KLF7: variants seen among roughly 807,000 people sequenced by gnomAD.
KLF7 encodes Krueppel-like factor 7.
KLF7 carries 2 observed loss-of-function variants against 27.3 expected under a neutral mutation model. That is an observed-to-expected ratio of 0.07 (90% CI 0.03 to 0.23). The LOEUF (loss-of-function observed/expected upper bound fraction) is 0.23, where lower values mean the gene tolerates loss of function less well. Ranked by LOEUF, KLF7 falls within the 10% of genes least tolerant of loss-of-function variation. The pLI, the probability that KLF7 is intolerant of heterozygous loss-of-function variation, is 1.00. For missense variants in KLF7, 221 were observed against 394.1 expected (o/e 0.56, Z 3.72); for synonymous variants, 165 against 162.4 (o/e 1.02, Z -0.12).
intron 3 of KLF7, among the ~76,000 whole-genome samples, chr2:207,088,203 T>C (rs987843819): frequency 2.6e-5 from 4 of 152,208 alleles, no homozygotes; most frequent in African/African-American, 9.7e-5. Context: ...ACCGAGTGAT[T>C]AACACCATTT....
chr2:207,135,121 C>T (rs2077749473), intron 1 of KLF7, among the ~76,000 whole-genome samples: 1 of 152,054 alleles, frequency 6.6e-6, no homozygotes, highest in African/African-American at 2.4e-5. Flanking sequence ...GAAGATCAAC[C>T]CTGACTAGCT....
upstream of KLF7, chr2:207,166,021 C>A (rs2078697992): frequency 4.6e-5 from 19 of 416,380 alleles, no homozygotes; most frequent in East Asian, 2.1e-4. Context: ...TTCTCTTCCC[C>A]CCCCTTCCCT....
chr2:207,107,719 G>C (rs1355915130), intron 2 of KLF7, among the ~76,000 whole-genome samples: 1 of 152,112 alleles, frequency 6.6e-6, no homozygotes, highest in African/African-American at 2.4e-5. Flanking sequence ...ATGCCAGCCG[G>C]CTCTTCTTTG....
intron 2 of KLF7, among the ~76,000 whole-genome samples, chr2:207,093,448 T>G (rs2076556598): frequency 6.6e-6 from 1 of 152,196 alleles, no homozygotes; most frequent in Non-Finnish European, 1.5e-5. Context: ...CTCCTCGCTC[T>G]GCCTGGAACA....
In KLF7 at chr2:207,144,286, G is replaced by C. The variant is rs1301582643; in HGVS notation, c.103-19882C>G. ...AGTCATGTCAAGGGACTAACCTAAG[G>C]CAGAAGTTTTAAATGTGTCATACAA... On this transcript the variant is annotated intron_variant, in intron 1 of 3. Coordinates refer to ENST00000309446, the MANE Select transcript of KLF7 (RefSeq NM_003709.4). Among the ~76,000 whole-genome samples, 5 of 152,134 alleles carry C rather than the reference G, an allele frequency of 3.3e-5. No individual in the cohort carries two copies. The East Asian group carries it at 9.6e-4, about 29-fold the overall frequency.
chr2:207,128,140 G>C (rs1021573873), intron 1 of KLF7, among the ~76,000 whole-genome samples: 1 of 152,144 alleles, frequency 6.6e-6, no homozygotes, highest in African/African-American at 2.4e-5. Context: ...GAAAATAAAA[G>C]TTGAGCCTAG....
intron 2 of KLF7, among the ~76,000 whole-genome samples, chr2:207,113,461 A>G (rs920712277): frequency 6.6e-5 from 10 of 152,150 alleles, no homozygotes; most frequent in African/African-American, 1.9e-4. Flanking sequence ...AATTGCCAGC[A>G]TATCTTCCTC....
chr2:207,171,137 A>G (rs2078781458), upstream of KLF7, among the ~76,000 whole-genome samples: 1 of 151,226 alleles, frequency 6.6e-6, no homozygotes, highest in South Asian at 2.1e-4. Context: ...GTTGATCCCA[A>G]CCCTTCTGGG....
At chr2:207,132,634 A>C (rs965486847) in intron 1 of KLF7, among the ~76,000 whole-genome samples, 1 of 152,220 alleles carries the variant, frequency 6.6e-6, no homozygotes, top group African/African-American at 2.4e-5. Flanking sequence ...GCAGCCTCAA[A>C]TACCCCTTTC....
At chr2:207,091,105 C>T (rs1359581723) in intron 2 of KLF7, among the ~76,000 whole-genome samples, 1 of 152,104 alleles carries the variant, frequency 6.6e-6, no homozygotes, top group African/African-American at 2.4e-5. Context: ...ACTGACTTGT[C>T]TATCACAGGC....
At chr2:207,157,872 T>A (rs2078433460) in intron 1 of KLF7, among the ~76,000 whole-genome samples, 1 of 152,206 alleles carries the variant, frequency 6.6e-6, no homozygotes, top group African/African-American at 2.4e-5. Context: ...ATGAGACGAA[T>A]AATCACATTA....
At chr2:207,108,514 C>A (rs1311646247) in intron 2 of KLF7, among the ~76,000 whole-genome samples, 2 of 152,200 alleles carry the variant, frequency 1.3e-5, no homozygotes, top group African/African-American at 4.8e-5. Context: ...ATTCCTTCAG[C>A]CTTCCAGGAA....
At chr2:207,171,632 A>G (rs1258092809), upstream of KLF7, among the ~76,000 whole-genome samples, 1 of 152,214 alleles carries the variant, frequency 6.6e-6, no homozygotes, top group East Asian at 1.9e-4. Context: ...TTGAGGAAAG[A>G]CCTTCTACCA....
intron 1 of KLF7, among the ~76,000 whole-genome samples, chr2:207,148,430 C>T (rs2078155571): frequency 6.6e-6 from 1 of 152,054 alleles, no homozygotes; most frequent in Non-Finnish European, 1.5e-5. Flanking sequence ...CCATGCGGTA[C>T]TGCTTCCCAT....
At chr2:207,082,440 C>T (rs995065322) in intron 3 of KLF7, among the ~76,000 whole-genome samples, 1 of 152,150 alleles carries the variant, frequency 6.6e-6, no homozygotes, top group Non-Finnish European at 1.5e-5. Flanking sequence ...AAGCTGGATC[C>T]AACGAAGCCT....
At chr2:207,089,839 T>C (rs2076470670) in intron 2 of KLF7, among the ~76,000 whole-genome samples, 1 of 152,112 alleles carries the variant, frequency 6.6e-6, no homozygotes, top group Admixed American at 6.5e-5. Context: ...CTAATAAACA[T>C]TAAAAACCGC....
intron 2 of KLF7, among the ~76,000 whole-genome samples, chr2:207,116,379 G>A (rs1444268629): frequency 6.6e-6 from 1 of 152,104 alleles, no homozygotes; most frequent in Non-Finnish European, 1.5e-5. Flanking sequence ...TTTAAAAAGA[G>A]GACCATTCAA....
In KLF7 at chr2:207,123,940, C is replaced by T. The variant is rs758251787; in HGVS notation, c.567G>A (p.Thr189=). Residue 189 remains threonine (T), a synonymous_variant, in exon 2 of 4, where the codon ACG becomes ACA. Transcript: ENST00000309446. ...GTCCACTCTTAACGGCCCCCGCAGC[C>T]GTCACGGCTGCTGCAGCTGTTGCGA... ...GGVATAAAAV[T]AAGAVKSGQS... is the part of the protein sequence containing the mutation. 9.9e-6 allele frequency: 16 copies of T among 1,614,052 alleles called. No individual in the cohort carries two copies. Among genetic ancestry groups the T allele is most frequent in the African/African-American group, 1.3e-5 (1 of 74,942 alleles).
At chr2:207,115,526 C>G (rs2077154954) in intron 2 of KLF7, among the ~76,000 whole-genome samples, 1 of 152,212 alleles carries the variant, frequency 6.6e-6, no homozygotes, top group Admixed American at 6.5e-5. Flanking sequence ...GCTGAATAAC[C>G]AGCACATTAA....
Sources: allele counts gnomAD v4.1 joint callset (sites outside exome capture counted in the v4.1 genomes callset), GRCh38; gene constraint gnomAD v4.1.1; transcripts MANE v1.5; gene names NCBI Gene and HGNC (gene_info 2026-07-23, HGNC 2026-07-21).